SPIDR: variants seen among roughly 807,000 people sequenced by gnomAD.
The protein encoded by SPIDR is scaffold protein involved in DNA repair.
SPIDR carries 93 observed loss-of-function variants against 104.6 expected under a neutral mutation model. The observed-to-expected ratio is 0.89, with a 90% CI of 0.75 to 1.06. The LOEUF is 1.06. SPIDR is among the 50% of genes least tolerant of loss of function. SPIDR has a pLI of 0.00. For synonymous variants in SPIDR, 431 were observed against 416.9 expected (o/e 1.03, Z -0.41); for missense variants, 1,154 against 1,111.2 (o/e 1.04, Z -0.55).
intron 3 of SPIDR, among the ~76,000 whole-genome samples, chr8:47,286,257 C>T (rs2038828590): frequency 6.6e-6 from 1 of 152,142 alleles, no homozygotes; most frequent in African/African-American, 2.4e-5. Flanking sequence ...CTCAGAAGCT[C>T]ACCTGCCTGG....
At chr8:47,374,311 G>A (rs782172034) in intron 5 of SPIDR, among the ~76,000 whole-genome samples, 13 of 152,000 alleles carry the variant, frequency 8.6e-5, no homozygotes, top group Non-Finnish European at 1.5e-4. Context: ...CACTTGAGCC[G>A]AGGAGTTCGA....
intron 19 of SPIDR, among the ~76,000 whole-genome samples, chr8:47,731,492 TC>T (rs1467509784): frequency 6.6e-6 from 1 of 152,096 alleles, no homozygotes; most frequent in East Asian, 1.9e-4. Flanking sequence ...CTGTTCAACC[TC>T]CCAATGTCCC....
At chr8:47,466,076 G>A (rs1009416074) in intron 8 of SPIDR, among the ~76,000 whole-genome samples, 3 of 152,044 alleles carry the variant, frequency 2.0e-5, no homozygotes, top group African/African-American at 7.2e-5. Flanking sequence ...ATAGTAGTGG[G>A]AGATTTCAAC....
chr8:47,610,995 G>A (rs2063530772), intron 10 of SPIDR, among the ~76,000 whole-genome samples: 1 of 152,174 alleles, frequency 6.6e-6, no homozygotes, highest in African/African-American at 2.4e-5. Context: ...GAGGTCAGGG[G>A]CTGTGACTCA....
chr8:47,504,498 G>A (rs1268881455), intron 8 of SPIDR, among the ~76,000 whole-genome samples: 1 of 152,076 alleles, frequency 6.6e-6, no homozygotes, highest in African/African-American at 2.4e-5. Flanking sequence ...GGTCCTTTAA[G>A]GACTTCTCTG....
chr8:47,495,890 T>C (rs1031389309), intron 8 of SPIDR, among the ~76,000 whole-genome samples: 20 of 152,196 alleles, frequency 1.3e-4, no homozygotes, highest in Non-Finnish European at 1.6e-4. Context: ...TCTGTCCTTA[T>C]GCCACTATTG....
intron 8 of SPIDR, among the ~76,000 whole-genome samples, chr8:47,561,108 A>G (rs1228338281): frequency 1.3e-5 from 2 of 152,204 alleles, no homozygotes; most frequent in Non-Finnish European, 2.9e-5. Flanking sequence ...GCCTGGCACA[A>G]TGCCTGCCAT....
intron 10 of SPIDR, among the ~76,000 whole-genome samples, chr8:47,638,384 T>C (rs61170276): frequency 0.019 from 2,845 of 152,310 alleles, 77 homozygotes; most frequent in African/African-American, 0.065. Flanking sequence ...ACTCAGGTGA[T>C]TCCCTTCCCT....
chr8:47,640,741 G>A (rs1040502923), intron 10 of SPIDR, among the ~76,000 whole-genome samples: 5 of 147,158 alleles, frequency 3.4e-5, no homozygotes, highest in African/African-American at 1.0e-4. Flanking sequence ...GCAGTGGCAC[G>A]ATCTCAGCTC....
intron 10 of SPIDR, among the ~76,000 whole-genome samples, chr8:47,622,739 C>G (rs1248800682): frequency 6.6e-6 from 1 of 152,036 alleles, no homozygotes; most frequent in East Asian, 1.9e-4. Context: ...TGAGCCTCTT[C>G]AAGAAAATGA....
At chr8:47,394,943 T>G (rs781877318) in intron 5 of SPIDR, among the ~76,000 whole-genome samples, 1 of 152,192 alleles carries the variant, frequency 6.6e-6, no homozygotes, top group Non-Finnish European at 1.5e-5. Flanking sequence ...GCATTTATTT[T>G]AGAAATTTAG....
At chr8:47,727,893 C>T (rs1309776127) in intron 17 of SPIDR, among the ~76,000 whole-genome samples, 1 of 151,798 alleles carries the variant, frequency 6.6e-6, no homozygotes, top group Non-Finnish European at 1.5e-5. Context: ...CCAAGGCAGG[C>T]GGATCATAAG....
Position 47,588,064 on chromosome 8 carries a change from T to A in SPIDR, c.1098-7747T>A, listed in dbSNP as rs1328122836. ...ATATATATATATATATATATATATA[T>A]ATATATATATATATATATATATACA... is the stretch of plus-strand genomic sequence containing the variant. On this transcript the variant is annotated intron_variant, in intron 8 of 19. Transcript: ENST00000297423. Among the ~76,000 whole-genome samples, 3 of 91,402 alleles carry A rather than the reference T, an allele frequency of 3.3e-5. No individual in the cohort carries two copies. In the South Asian group the frequency reaches 1.0e-3, roughly 31 times the overall value. The allele number at this position is 91,402 out of a possible 152,430, so 60.0% of individuals were successfully genotyped here.
chr8:47,623,137 T>C (rs985218306), intron 10 of SPIDR, among the ~76,000 whole-genome samples: 7 of 152,168 alleles, frequency 4.6e-5, no homozygotes, highest in Non-Finnish European at 7.3e-5. Context: ...CCTCCTCTTG[T>C]AAAGTAAGTC....
intron 10 of SPIDR, among the ~76,000 whole-genome samples, chr8:47,615,737 A>G (rs1200098956): frequency 1.3e-5 from 2 of 152,210 alleles, no homozygotes; most frequent in East Asian, 1.9e-4. Flanking sequence ...AGCCTTATCA[A>G]AAACCATTGG....
intron 5 of SPIDR, among the ~76,000 whole-genome samples, chr8:47,351,395 G>GAGTT (rs566144298): frequency 2.2e-4 from 33 of 152,298 alleles, no homozygotes; most frequent in African/African-American, 7.0e-4. Flanking sequence ...AAAGGAAACT[G>GAGTT]AGTTGGGTTT....
intron 7 of SPIDR, among the ~76,000 whole-genome samples, chr8:47,433,738 A>G (rs1466878168): frequency 6.6e-6 from 1 of 152,232 alleles, no homozygotes; most frequent in Non-Finnish European, 1.5e-5. Flanking sequence ...AATTGTGCTA[A>G]TGTAAATTTG....
At chr8:47,464,110 TTA>T (rs1491477727) in intron 8 of SPIDR, among the ~76,000 whole-genome samples, 35 of 111,520 alleles carry the variant, frequency 3.1e-4, no homozygotes, top group African/African-American at 1.1e-3. Flanking sequence ...ACCCTAAAGA[TTA>T]TACACACACA....
intron 5 of SPIDR, among the ~76,000 whole-genome samples, chr8:47,331,990 T>TG (rs2048808845): frequency 2.7e-5 from 1 of 37,034 alleles, no homozygotes; most frequent in Non-Finnish European, 4.6e-5. Context: ...TTTTTTTCTC[T>TG]TTTTTTTTTT....
Sources: allele counts gnomAD v4.1 joint callset (sites outside exome capture counted in the v4.1 genomes callset), GRCh38; gene constraint gnomAD v4.1.1; transcripts MANE v1.5; gene names NCBI Gene and HGNC (gene_info 2026-07-23, HGNC 2026-07-21).